The following SCIN variants were observed in gnomAD, a reference collection of about 807,000 sequenced individuals.
SCIN encodes adseverin.
Under a neutral mutation model 91.8 loss-of-function variants are expected in SCIN, and 91 were observed. The observed-to-expected ratio is 0.99, with a 90% CI of 0.84 to 1.18. The LOEUF is 1.18. Among genes scored for constraint, SCIN ranks in the 50% most tolerant of loss-of-function variants. SCIN has a pLI of 0.00. For synonymous variants in SCIN, 367 were observed against 312.6 expected, an observed-to-expected ratio of 1.17 and a Z score of -1.84; for missense variants, 1,087 against 863.9, an observed-to-expected ratio of 1.26 and a Z score of -3.24.
chr7:12,570,838 G>A lies in SCIN; in HGVS notation c.52G>A (p.Gly18Arg). Reference sequence around the variant, plus strand: ...GTTCGCCCGGGCGGGCAAGCAGGCGGGGCTGCAGGTCTGGAGGATTGAGAA... The same window carrying A: ...GTTCGCCCGGGCGGGCAAGCAGGCGAGGCTGCAGGTCTGGAGGATTGAGAA... ...EEFARAGKQAGLQVWRIEKLE... is the reference protein window; with the variant it reads ...EEFARAGKQARLQVWRIEKLE... Residue 18 changes from glycine (G) to arginine (R), a missense_variant, in exon 1 of 16, where the codon GGG becomes AGG. Gly to Arg is a moderately radical substitution (Grantham distance 125, BLOSUM62 -2). Transcript: ENST00000297029. 1 of 1,551,616 alleles carries A rather than the reference G, an allele frequency of 6.4e-7. No homozygotes were observed. The highest frequency in any genetic ancestry group is 1.2e-5 in the South Asian group (1 of 84,054).
chr7:12,639,397 C>T (rs1783814079), intron 10 of SCIN, among the ~76,000 whole-genome samples: 1 of 152,264 alleles, frequency 6.6e-6, no homozygotes, highest in South Asian at 2.1e-4. Flanking sequence ...TCCCTATATG[C>T]AGGTATGTAT....
intron 2 of SCIN, among the ~76,000 whole-genome samples, chr7:12,580,029 A>AT (rs201979239): frequency 2.0e-5 from 3 of 150,236 alleles, no homozygotes; most frequent in East Asian, 2.0e-4. Flanking sequence ...ATCATTTTAT[A>AT]TTTTTTTTTA....
At chr7:12,592,017 A>C (rs1260742781) in intron 3 of SCIN, among the ~76,000 whole-genome samples, 1 of 152,124 alleles carries the variant, frequency 6.6e-6, no homozygotes, top group Non-Finnish European at 1.5e-5. Flanking sequence ...AGGTTTAAGG[A>C]AGTAAGGTTT....
chr7:12,642,847 T>G (rs992838340), intron 11 of SCIN, among the ~76,000 whole-genome samples: 3 of 152,084 alleles, frequency 2.0e-5, no homozygotes, highest in African/African-American at 7.2e-5. Context: ...GTTTGACCTC[T>G]AAGTTCTTGA....
At chr7:12,624,855 T>C (rs1783479170) in intron 5 of SCIN, among the ~76,000 whole-genome samples, 155 bp from the exon 6 acceptor site, 1 of 152,214 alleles carries the variant, frequency 6.6e-6, no homozygotes. Context: ...TGAGATATAA[T>C]TTATACACCA....
chr7:12,574,057 G>A (rs891973336), intron 1 of SCIN, among the ~76,000 whole-genome samples: 1 of 152,100 alleles, frequency 6.6e-6, no homozygotes, highest in African/African-American at 2.4e-5. Flanking sequence ...ATTTATTCCA[G>A]AAAAATGAAG....
intron 9 of SCIN, among the ~76,000 whole-genome samples, chr7:12,634,685 T>C (rs563863802): frequency 6.6e-6 from 1 of 152,286 alleles, no homozygotes; most frequent in South Asian, 2.1e-4. Context: ...GCTTTTACCA[T>C]GTTTGGGGCT....
In SCIN at chr7:12,625,100, A is replaced by G; in HGVS notation, c.850A>G (p.Ile284Val). The G allele has an allele frequency of 6.2e-7, 1 of 1,608,906 alleles. No individual in the cohort carries two copies. The highest frequency in any genetic ancestry group is 8.5e-7 in the Non-Finnish European group (1 of 1,177,622). The change falls in exon 6 of 16, where the codon ATT becomes GTT. Residue 284 changes from isoleucine to valine, a missense_variant. Physicochemically the swap from Ile to Val is conservative, Grantham distance 29. Coordinates refer to ENST00000297029, the MANE Select transcript of SCIN (RefSeq NM_001112706.3). ...MAMLLSEECFILDHGAAKQIF... is the reference protein window; with the variant it reads ...MAMLLSEECFVLDHGAAKQIF... ...AATGCTGCTGTCTGAAGAATGCTTT[A>G]TTTTGGACCACGGGGCTGCCAAACA...
chr7:12,574,206 C>T (rs1057395333), intron 1 of SCIN, among the ~76,000 whole-genome samples: 3 of 152,100 alleles, frequency 2.0e-5, no homozygotes, highest in Non-Finnish European at 4.4e-5. Context: ...TAATACTACT[C>T]AGCAATAAAA....
intron 9 of SCIN, among the ~76,000 whole-genome samples, chr7:12,635,577 A>C (rs2115286470): frequency 8.1e-6 from 1 of 123,500 alleles, no homozygotes; most frequent in Admixed American, 1.0e-4. Flanking sequence ...ACACCATTGC[A>C]CTCCAGCCCG....
chr7:12,600,901 C>G (rs536518381), intron 3 of SCIN, among the ~76,000 whole-genome samples: 1 of 152,094 alleles, frequency 6.6e-6, no homozygotes, highest in African/African-American at 2.4e-5. Context: ...CACTGGGAGC[C>G]CTTTATTTTT....
At chr7:12,635,674 A>G (rs1583315294) in intron 9 of SCIN, among the ~76,000 whole-genome samples, 1 of 149,662 alleles carries the variant, frequency 6.7e-6, no homozygotes, top group African/African-American at 2.5e-5. Context: ...CTAACATTCA[A>G]CCTAATAAGT....
chr7:12,576,330 C>T lies in SCIN; in HGVS notation c.200-1734C>T, dbSNP rs187468313. Among the ~76,000 whole-genome samples, 17 of 150,946 alleles carry T rather than the reference C, an allele frequency of 1.1e-4. No individual in the cohort carries two copies. In the East Asian group the frequency reaches 3.1e-3, roughly 28 times the overall value. On this transcript the variant is annotated intron_variant, in intron 1 of 15. Transcript: ENST00000297029. ...CAGCGAGTTCACAAAATTGTTATCA[C>T]GTCAAGTAATCTTCTAGCTACTGAG...
At position 12,570,817 on chromosome 7, in the gene SCIN, G is replaced by A. The variant is rs1443926471; in HGVS notation, c.31G>A (p.Ala11Thr). 1.1e-5 allele frequency: 17 copies of A among 1,551,472 alleles called. 2 individuals are homozygous for A. In the South Asian group the frequency reaches 1.5e-4, roughly 14 times the overall value. Residue 11 changes from alanine to threonine, a missense_variant, in exon 1 of 16, where the codon GCC becomes ACC. Ala to Thr is a moderately conservative substitution (Grantham distance 58, BLOSUM62 0). Coordinates refer to ENST00000297029, the MANE Select transcript of SCIN (RefSeq NM_001112706.3). MARELYHEEF[A>T]RAGKQAGLQV... ...GCGGGAGCTATACCACGAAGAGTTCGCCCGGGCGGGCAAGCAGGCGGGGCT... is the reference window on the plus strand; with the variant it reads ...GCGGGAGCTATACCACGAAGAGTTCACCCGGGCGGGCAAGCAGGCGGGGCT...
chr7:12,594,438 T>C (rs1006803329), intron 3 of SCIN, among the ~76,000 whole-genome samples: 1 of 152,098 alleles, frequency 6.6e-6, no homozygotes, highest in Non-Finnish European at 1.5e-5. Context: ...ATATAAGGAA[T>C]CTCAGACCAT....
At chr7:12,603,559 A>C (rs780755750) in intron 3 of SCIN, among the ~76,000 whole-genome samples, 1 of 152,090 alleles carries the variant, frequency 6.6e-6, no homozygotes, top group Non-Finnish European at 1.5e-5. Context: ...GGTATTATTC[A>C]ACTTCTCTTT....
rs1784145724 is a variant in SCIN at position 12,655,119 on chromosome 7, G to T, written c.*2404G>T. The stretch of plus-strand genomic sequence containing the variant: ...TGCATAAAACCTATACCATTCTCCT[G>T]TATACTCTAAGTCATCTCTGCGTTA... On this transcript the variant is annotated 3_prime_UTR_variant, in exon 16 of 16. Coordinates refer to ENST00000297029, the MANE Select transcript of SCIN (RefSeq NM_001112706.3). 6.6e-6 allele frequency: 1 copy of T among 152,090 alleles called. No homozygotes were observed. Among genetic ancestry groups the T allele is most frequent in the South Asian group, 2.1e-4 (1 of 4,830 alleles). 9.4% of individuals were successfully genotyped at this position (152,090 alleles called of 1,614,324 possible).
chr7:12,646,618 A>G (rs1176501557), intron 13 of SCIN, among the ~76,000 whole-genome samples: 2 of 152,214 alleles, frequency 1.3e-5, no homozygotes, highest in Non-Finnish European at 2.9e-5. Flanking sequence ...AAATTTCAAA[A>G]AAAAAAGTTA....
chr7:12,607,950 C>T (rs911673111), intron 4 of SCIN, among the ~76,000 whole-genome samples: 15 of 152,142 alleles, frequency 9.9e-5, no homozygotes, highest in Admixed American at 2.0e-4. Context: ...AACTGAAATA[C>T]GGCCTTTCCT....
Sources: gnomAD v4.1 joint callset for allele counts (sites outside exome capture counted in the v4.1 genomes callset) on GRCh38, gnomAD v4.1.1 for gene constraint, MANE v1.5 for transcripts, NCBI Gene and HGNC (gene_info 2026-07-23, HGNC 2026-07-21) for gene names.